UGT1A8: variants seen among roughly 807,000 people sequenced by gnomAD.
UGT1A8 encodes UDP-glucuronosyltransferase 1A8.
Under a neutral mutation model 45.3 loss-of-function variants are expected in UGT1A8, and 39 were observed. The observed-to-expected ratio is 0.86, with a 90% CI of 0.67 to 1.12. The LOEUF is 1.12. UGT1A8 is among the 50% of genes most tolerant of loss of function. The pLI is 0.00. For synonymous variants in UGT1A8, 275 were observed against 249.2 expected (o/e 1.10, Z -0.97); for missense variants, 719 against 664.9 (o/e 1.08, Z -0.90).
rs780825518 is a variant in UGT1A8 at position 233,682,195 on chromosome 2, G to C, written c.855+63633G>C. 4 of 1,614,214 alleles carry C rather than the reference G, an allele frequency of 2.5e-6. No homozygotes were observed. In the South Asian group the frequency reaches 3.3e-5, roughly 13 times the overall value. On this transcript the variant is annotated intron_variant, in intron 1 of 4. Transcript: ENST00000373450. ...CAACCTCATACACTCTGGAGGATCA[G>C]GACCGGGAGTTCATGGTTTTTGCCG...
intron 1 of UGT1A8, among the ~76,000 whole-genome samples, chr2:233,686,716 G>A (rs1484687692): frequency 6.6e-6 from 1 of 152,080 alleles, no homozygotes; most frequent in Non-Finnish European, 1.5e-5. Flanking sequence ...CCTCCCACCG[G>A]CTATGAAGGT....
In UGT1A8 at chr2:233,619,469, T is replaced by C. The variant is rs571230938; in HGVS notation, c.855+907T>C. Among the ~76,000 whole-genome samples, 8 of 152,302 alleles carry C rather than the reference T, an allele frequency of 5.3e-5. No individual in the cohort carries two copies. In the South Asian group the frequency reaches 8.3e-4, roughly 16 times the overall value. ...TATCTTAGTAGACTAGAGTCCTACA[T>C]GTAGGGTTAGAGGGTTTTCCTGAAT... On this transcript the variant is annotated intron_variant, in intron 1 of 4. Coordinates refer to ENST00000373450, the MANE Select transcript of UGT1A8 (RefSeq NM_019076.5).
rs181904192 is a variant in UGT1A8, at chr2:233,720,907, C to T, written c.856-46127C>T. On this transcript the variant is annotated intron_variant, in intron 1 of 4. Coordinates refer to ENST00000373450, the MANE Select transcript of UGT1A8 (RefSeq NM_019076.5). ...TTTTTTTTTAGTAGAGATGAGGTTT[C>T]GCAATGTTAGCCAGGCTGGTCTTGA... 7.9e-3 allele frequency among the ~76,000 whole-genome samples: 1,118 copies of T among 140,910 alleles called. 9 individuals carry two copies. Among genetic ancestry groups the T allele is most frequent in the Admixed American group, 0.016 (217 of 13,846 alleles). 92.4% of individuals were successfully genotyped at this position (140,910 alleles called of 152,430 possible).
chr2:233,639,689 CT>C (rs2073396817), intron 1 of UGT1A8, among the ~76,000 whole-genome samples: 1 of 149,638 alleles, frequency 6.7e-6, no homozygotes, highest in Non-Finnish European at 1.5e-5. Context: ...ACAAAATCTC[CT>C]TGAGTCTATC....
chr2:233,770,134 A>T (rs1182793290), intron 4 of UGT1A8: 14 of 152,284 alleles, frequency 9.2e-5, no homozygotes, highest in African/African-American at 3.4e-4. Flanking sequence ...AAAGTCCTCT[A>T]ATACATTATT....
At position 233,693,834 on chromosome 2, in the gene UGT1A8, T is replaced by C. The variant is rs758818897; in HGVS notation, c.856-73200T>C. 6 of 1,614,210 alleles carry C rather than the reference T, an allele frequency of 3.7e-6. No homozygotes were observed. The South Asian group carries it at 5.5e-5, about 15-fold the overall frequency. Reference sequence around the variant, plus strand: ...CCCAACATGGTCTTCATTGGAGGTATCAACTGTAAGAAGAGGAAAGACTTG... The same window carrying C: ...CCCAACATGGTCTTCATTGGAGGTACCAACTGTAAGAAGAGGAAAGACTTG... On this transcript the variant is annotated intron_variant, in intron 1 of 4. Coordinates refer to ENST00000373450, the MANE Select transcript of UGT1A8 (RefSeq NM_019076.5).
intron 1 of UGT1A8, among the ~76,000 whole-genome samples, chr2:233,635,451 G>A (rs556350478): frequency 2.0e-5 from 3 of 150,676 alleles, no homozygotes; most frequent in Admixed American, 6.7e-5. Context: ...ATGTACTGTC[G>A]TATACTTTTA....
chr2:233,619,522 A>G (rs2072961919), intron 1 of UGT1A8, among the ~76,000 whole-genome samples: 1 of 152,192 alleles, frequency 6.6e-6, no homozygotes, highest in Admixed American at 6.5e-5. Context: ...TTTTGCTATT[A>G]TATCTTCCTG....
intron 1 of UGT1A8, among the ~76,000 whole-genome samples, chr2:233,734,119 A>AATC (rs958365418): frequency 7.2e-5 from 11 of 152,032 alleles, no homozygotes; most frequent in African/African-American, 2.7e-4. Flanking sequence ...TAATAATAAT[A>AATC]ATAAAAAGAA....
At chr2:233,671,192 A>C (rs1246663007) in intron 1 of UGT1A8, among the ~76,000 whole-genome samples, 1 of 152,212 alleles carries the variant, frequency 6.6e-6, no homozygotes, top group African/African-American at 2.4e-5. Flanking sequence ...GTGCAAGTTG[A>C]GCGGTCACTG....
chr2:233,729,159 G>A (rs781569400), intron 1 of UGT1A8: 4 of 1,613,520 alleles, frequency 2.5e-6, no homozygotes, highest in Non-Finnish European at 3.4e-6. Context: ...CCCTGCCGTG[G>A]CTGGCCACAG....
In UGT1A8 at chr2:233,683,409, C is replaced by T. The variant is rs189182574; in HGVS notation, c.855+64847C>T. Among the ~76,000 whole-genome samples, 90 of 152,140 alleles carry T rather than the reference C, an allele frequency of 5.9e-4. 1 individual carries two copies. The highest frequency in any genetic ancestry group is 5.2e-3 in the Admixed American group (79 of 15,282). On this transcript the variant is annotated intron_variant, in intron 1 of 4. Coordinates refer to ENST00000373450, the MANE Select transcript of UGT1A8 (RefSeq NM_019076.5). The stretch of plus-strand genomic sequence containing the variant: ...GATTGATAGAGATTTAAGTGTTTTC[C>T]ACTTTTGGGGTTTATGAGCAATAAT...
chr2:233,760,275 G>C (rs2125981686), intron 1 of UGT1A8: 1 of 1,612,542 alleles, frequency 6.2e-7, no homozygotes, highest in African/African-American at 1.3e-5. Context: ...CCTCTGGCAG[G>C]AGCAAAGGCG....
Position 233,618,356 on chromosome 2 carries a change from C to G in UGT1A8, c.649C>G (p.His217Asp). Residue 217 changes from histidine to aspartate, a missense_variant, in exon 1 of 5, where the codon CAT (histidine) becomes GAT (aspartate). Coordinates refer to ENST00000373450, the MANE Select transcript of UGT1A8 (RefSeq NM_019076.5). Reference protein sequence around the residue: ...VRNHIMHLEEHLFCQYFSKNA... With the variant: ...VRNHIMHLEEDLFCQYFSKNA... ...GAACCACATCATGCACTTGGAGGAA[C>G]ATTTATTTTGCCAGTATTTTTCCAA... The G allele has an allele frequency of 6.2e-7, 1 of 1,613,896 alleles. No individual in the cohort carries two copies. Among genetic ancestry groups the G allele is most frequent in the Non-Finnish European group, 8.5e-7 (1 of 1,179,854 alleles).
intron 1 of UGT1A8, among the ~76,000 whole-genome samples, chr2:233,656,709 C>T (rs1348015958): frequency 6.6e-6 from 1 of 152,008 alleles, no homozygotes; most frequent in Non-Finnish European, 1.5e-5. Flanking sequence ...GGGAGTGTGA[C>T]GAGGCGTGTC....
rs145239529 is a variant in UGT1A8, at chr2:233,769,464, C to CGT, written c.1295+1039_1295+1040dup. ...GGGTGCACACGTGTGCATTCATATGCGTGTGTGTGTGTGTGCGTGTGTTTA... is the reference window on the plus strand; with the variant it reads ...GGGTGCACACGTGTGCATTCATATGCGTGTGTGTGTGTGTGTGCGTGTGTTTA... On this transcript the variant is annotated intron_variant, in intron 4 of 4. Coordinates refer to ENST00000373450, the MANE Select transcript of UGT1A8 (RefSeq NM_019076.5). This position sits in a 1 kb window ranked among gnomAD's most constrained non-coding sequence, Gnocchi z 4.4. 1.1e-3 allele frequency: 1,584 copies of CGT among 1,481,010 alleles called. 6 individuals are homozygous for CGT. The African/African-American group carries it at 0.012, about 11-fold the overall frequency. 91.7% of individuals were successfully genotyped at this position (1,481,010 alleles called of 1,614,324 possible).
At chr2:233,681,284 A>G (rs1205090749) in intron 1 of UGT1A8, among the ~76,000 whole-genome samples, 1 of 152,076 alleles carries the variant, frequency 6.6e-6, no homozygotes, top group African/African-American at 2.4e-5. Flanking sequence ...CTGTAATCCC[A>G]GCATTTTGGG....
At position 233,764,478 on chromosome 2, in the gene UGT1A8, C is replaced by T. The variant is rs370150887; in HGVS notation, c.856-2556C>T. ...TTCGTGATCTCCTGCTATTTAACTT[C>T]GAATGTTTATGGACCTGTGGGTTCA... On this transcript the variant is annotated intron_variant, in intron 1 of 4. Transcript: ENST00000373450. 3.4e-4 allele frequency among the ~76,000 whole-genome samples: 51 copies of T among 152,200 alleles called. 2 individuals are homozygous for T. Among genetic ancestry groups the T allele is most frequent in the East Asian group, 3.1e-3 (16 of 5,174 alleles).
chr2:233,699,498 C>A (rs899655583), intron 1 of UGT1A8, among the ~76,000 whole-genome samples: 2 of 152,166 alleles, frequency 1.3e-5, no homozygotes, highest in African/African-American at 4.8e-5. Flanking sequence ...ACTTGTAATA[C>A]AAAGAACTGT....
Sources: allele counts gnomAD v4.1 joint callset (sites outside exome capture counted in the v4.1 genomes callset), GRCh38; gene constraint gnomAD v4.1.1; non-coding constraint Gnocchi (gnomAD v3.1); transcripts MANE v1.5; gene names NCBI Gene and HGNC (gene_info 2026-07-23, HGNC 2026-07-21).